AAK1: variants seen among roughly 807,000 people sequenced by gnomAD.
AAK1 encodes the protein AP2-associated protein kinase 1.
A neutral mutation model predicts 116.0 loss-of-function variants in AAK1; 37 were observed. That is an observed-to-expected ratio of 0.32 (90% confidence interval 0.25 to 0.42). AAK1 has a LOEUF of 0.42. Among genes scored for constraint, AAK1 ranks in the 10% least tolerant of loss-of-function variants. The pLI is 1.00. For synonymous variants in AAK1, 458 were observed against 439.9 expected (o/e 1.04, Z -0.51); for missense variants, 919 against 1,170.6 (o/e 0.79, Z 3.14).
intron 2 of AAK1, among the ~76,000 whole-genome samples, chr2:69,622,299 T>C (rs1674675919): frequency 6.6e-6 from 1 of 152,182 alleles, no homozygotes; most frequent in Non-Finnish European, 1.5e-5. Flanking sequence ...CAGCCCGCCA[T>C]GCCTGAGCCT....
rs1311550352 is a variant in AAK1, at chr2:69,468,225, C to A, written c.*7644G>T. ...AATAAACAGAATACCTTCTTCCTTG[C>A]GATTTATGTGGACAGACATAATCCT... is the stretch of plus-strand genomic sequence containing the variant. On this transcript the variant is annotated 3_prime_UTR_variant, in exon 22 of 22. Coordinates refer to ENST00000409085, the MANE Select transcript of AAK1 (RefSeq NM_014911.5). 1 of 985,182 alleles carries A rather than the reference C, an allele frequency of 1.0e-6. No individual in the cohort carries two copies. The highest frequency in any genetic ancestry group is 6.2e-5 in the Admixed American group (1 of 16,254). 61.0% of individuals were successfully genotyped at this position (985,182 alleles called of 1,614,324 possible). A position where few individuals can be genotyped will look rare whatever the true frequency, so the allele number is the denominator to read the frequency against.
At chr2:69,549,876 T>A (rs1284624341) in intron 3 of AAK1, among the ~76,000 whole-genome samples, 2 of 152,256 alleles carry the variant, frequency 1.3e-5, no homozygotes, top group South Asian at 2.1e-4. Flanking sequence ...TGGAGCCTGA[T>A]TCTATGACTC....
chr2:69,475,193 G>C lies in AAK1; in HGVS notation c.*676C>G, dbSNP rs1674808244. The C allele has an allele frequency of 3.0e-6, 3 of 985,778 alleles. No homozygotes were observed. The highest frequency in any genetic ancestry group is 3.6e-6 in the Non-Finnish European group (3 of 829,988). 61.1% of individuals were successfully genotyped at this position (985,778 alleles called of 1,614,324 possible). A position where few individuals can be genotyped will look rare whatever the true frequency, so the allele number is the denominator to read the frequency against. On this transcript the variant is annotated 3_prime_UTR_variant, in exon 22 of 22. Transcript: ENST00000409085. ...ACGGTTCAATGGAAGCCAGAAAGCT[G>C]GACGAATGCTGGGCAGGTTGCATGG...
At chr2:69,614,289 G>A (rs1674218619) in intron 2 of AAK1, among the ~76,000 whole-genome samples, 1 of 152,196 alleles carries the variant, frequency 6.6e-6, no homozygotes, top group Non-Finnish European at 1.5e-5. Context: ...GGCAAGGAAG[G>A]AGAAAGGGAA....
intron 2 of AAK1, among the ~76,000 whole-genome samples, chr2:69,608,965 T>G (rs1558999687): frequency 6.6e-6 from 1 of 152,190 alleles, no homozygotes; most frequent in South Asian, 2.1e-4. Flanking sequence ...TGAAAGAAAT[T>G]GGAGAAGACA....
chr2:69,504,127 T>G (rs1386240405), intron 16 of AAK1, among the ~76,000 whole-genome samples: 1 of 152,080 alleles, frequency 6.6e-6, no homozygotes, highest in Non-Finnish European at 1.5e-5. Flanking sequence ...TTGGGTGTGG[T>G]AGCTCATGCC....
chr2:69,506,043 C>T (rs966248776), intron 15 of AAK1, among the ~76,000 whole-genome samples: 5 of 152,152 alleles, frequency 3.3e-5, no homozygotes, highest in African/African-American at 7.2e-5. Flanking sequence ...TGATGATCTG[C>T]TTTCCATGTT....
chr2:69,621,113 C>T (rs559337908), intron 2 of AAK1, among the ~76,000 whole-genome samples: 1 of 152,244 alleles, frequency 6.6e-6, no homozygotes, highest in East Asian at 1.9e-4. Flanking sequence ...GGAGGAAGCA[C>T]GGTGTTAGGT....
At chr2:69,624,979 A>C (rs1244172723) in intron 2 of AAK1, among the ~76,000 whole-genome samples, 1 of 152,252 alleles carries the variant, frequency 6.6e-6, no homozygotes, top group African/African-American at 2.4e-5. Flanking sequence ...GTCCCTGAGC[A>C]TTGCTACTCA....
intron 2 of AAK1, among the ~76,000 whole-genome samples, chr2:69,567,383 A>C (rs1013959127): frequency 6.6e-6 from 1 of 152,188 alleles, no homozygotes; most frequent in Non-Finnish European, 1.5e-5. Context: ...TTAAATACTT[A>C]TAGGGTAATT....
chr2:69,494,653 T>C (rs1443876010), intron 17 of AAK1, among the ~76,000 whole-genome samples: 1 of 152,172 alleles, frequency 6.6e-6, no homozygotes, highest in Non-Finnish European at 1.5e-5. Context: ...TAACCTTCTA[T>C]TCAAAATGAA....
rs1315196699 is a variant in AAK1, at chr2:69,474,356, C to G, written c.*1513G>C. 5.1e-6 allele frequency: 5 copies of G among 985,646 alleles called. No homozygotes were observed. Among genetic ancestry groups the G allele is most frequent in the African/African-American group, 3.5e-5 (2 of 57,196 alleles). The allele number at this position is 985,646 out of a possible 1,614,324, so 61.1% of individuals were successfully genotyped here. A position where few individuals can be genotyped will look rare whatever the true frequency, so the allele number is the denominator to read the frequency against. ...AAGAACAGGAGTGGGGTTCTCTGTG[C>G]CCACTTCTTTTCAAAAGGGTGATTT... is the stretch of plus-strand genomic sequence containing the variant. On this transcript the variant is annotated 3_prime_UTR_variant, in exon 22 of 22. Coordinates refer to ENST00000409085, the MANE Select transcript of AAK1 (RefSeq NM_014911.5).
intron 3 of AAK1, among the ~76,000 whole-genome samples, chr2:69,544,802 C>G (rs1357860644): frequency 1.3e-5 from 2 of 152,168 alleles, no homozygotes. Context: ...CACAGAGTGC[C>G]TACTTGCTTA....
In AAK1 at chr2:69,468,411, A is replaced by C. The variant is rs1417326982; in HGVS notation, c.*7458T>G. The stretch of plus-strand genomic sequence containing the variant: ...AGAGGGCCCTAAAACTCCTTGAACC[A>C]CCTTCCTCACATAGTATCAGTTGGA... On this transcript the variant is annotated 3_prime_UTR_variant, in exon 22 of 22. Transcript: ENST00000409085. 153 of 985,306 alleles carry C rather than the reference A, an allele frequency of 1.6e-4. No homozygotes were observed. The highest frequency in any genetic ancestry group is 1.8e-4 in the Non-Finnish European group (151 of 829,922). The allele number at this position is 985,306 out of a possible 1,614,324, so 61.0% of individuals were successfully genotyped here. A position where few individuals can be genotyped will look rare whatever the true frequency, so the allele number is the denominator to read the frequency against.
intron 17 of AAK1, among the ~76,000 whole-genome samples, chr2:69,487,645 G>A (rs947247461): frequency 2.0e-5 from 3 of 152,126 alleles, no homozygotes; most frequent in African/African-American, 7.2e-5. Flanking sequence ...TAAGGGGATA[G>A]ACCAATGAAA....
At chr2:69,634,235 T>G (rs17036885) in intron 2 of AAK1, among the ~76,000 whole-genome samples, 4,378 of 152,280 alleles carry the variant, frequency 0.029, 212 homozygotes, top group African/African-American at 0.1. Context: ...AGGAAGAATT[T>G]TAAGGAAGAA....
Position 69,473,036 on chromosome 2 carries a change from C to A in AAK1, c.*2833G>T. The A allele has an allele frequency of 1.0e-6, 1 of 972,104 alleles. No individual in the cohort carries two copies. The highest frequency in any genetic ancestry group is 1.2e-6 in the Non-Finnish European group (1 of 817,416). The allele number at this position is 972,104 out of a possible 1,614,324, so 60.2% of individuals were successfully genotyped here. ...TATATAAATCCTTCATAGCCCTTCT[C>A]AATATAATAATATATACTTAGGACC... On this transcript the variant is annotated 3_prime_UTR_variant, in exon 22 of 22. Coordinates refer to ENST00000409085, the MANE Select transcript of AAK1 (RefSeq NM_014911.5).
Position 69,474,197 on chromosome 2 carries a change from T to A in AAK1, c.*1672A>T, listed in dbSNP as rs1254887079. ...GTTGCTGTTAAACTTTTTTCCCCCA[T>A]AAAGTGCAAATGTGAGGAAGAAGAA... On this transcript the variant is annotated 3_prime_UTR_variant, in exon 22 of 22. Coordinates refer to ENST00000409085, the MANE Select transcript of AAK1 (RefSeq NM_014911.5). 1.0e-6 allele frequency: 1 copy of A among 985,660 alleles called. No individual in the cohort carries two copies. Among genetic ancestry groups the A allele is most frequent in the Non-Finnish European group, 1.2e-6 (1 of 829,928 alleles). The allele number at this position is 985,660 out of a possible 1,614,324, so 61.1% of individuals were successfully genotyped here.
intron 2 of AAK1, among the ~76,000 whole-genome samples, chr2:69,627,443 C>T (rs917505742): frequency 6.6e-6 from 1 of 152,084 alleles, no homozygotes; most frequent in African/African-American, 2.4e-5. Flanking sequence ...CGGTAAAGGA[C>T]AGCCTCTATG....
Sources: gnomAD v4.1 joint callset for allele counts (sites outside exome capture counted in the v4.1 genomes callset) on GRCh38, gnomAD v4.1.1 for gene constraint, MANE v1.5 for transcripts, NCBI Gene and HGNC (gene_info 2026-07-23, HGNC 2026-07-21) for gene names.